Variants in BARD1 observed in about 807,000 individuals in gnomAD.
BARD1 encodes BRCA1-associated RING domain protein 1.
BARD1 carries 73 observed loss-of-function variants against 77.0 expected under a neutral mutation model. The observed-to-expected ratio is 0.95, with a 90% confidence interval of 0.79 to 1.15. The LOEUF (loss-of-function observed/expected upper bound fraction) is 1.15. Among genes scored for constraint, BARD1 ranks in the 50% most tolerant of loss-of-function variants. BARD1 has a pLI of 0.00. For missense variants in BARD1, 993 were observed against 938.8 expected (o/e 1.06, Z -0.75); for synonymous variants, 384 against 338.0 (o/e 1.14, Z -1.49).
intron 1 of BARD1, among the ~76,000 whole-genome samples, chr2:214,799,847 T>C (rs1392829012): frequency 6.6e-6 from 1 of 152,174 alleles, no homozygotes; most frequent in African/African-American, 2.4e-5. Context: ...TTTAACTCCC[T>C]CCACTCTGCT....
At chr2:214,747,387 C>T (rs1391547239) in intron 7 of BARD1, among the ~76,000 whole-genome samples, 3 of 138,502 alleles carry the variant, frequency 2.2e-5, no homozygotes, top group Admixed American at 7.5e-5. Context: ...AATCGTGCTG[C>T]TATAAAGACA....
At chr2:214,736,867 T>G (rs1461580417) in intron 9 of BARD1, among the ~76,000 whole-genome samples, 1 of 152,168 alleles carries the variant, frequency 6.6e-6, no homozygotes, top group Non-Finnish European at 1.5e-5. Context: ...TTACAATGAT[T>G]GAGTTAAACA....
intron 1 of BARD1, among the ~76,000 whole-genome samples, chr2:214,804,867 T>C (rs1057272511): frequency 7.9e-5 from 12 of 152,148 alleles, no homozygotes; most frequent in African/African-American, 2.9e-4. Flanking sequence ...ATTTTAAAAA[T>C]CTATTCGCAT....
intron 6 of BARD1, among the ~76,000 whole-genome samples, chr2:214,762,196 A>G (rs1318241902): frequency 6.6e-6 from 1 of 152,218 alleles, no homozygotes; most frequent in Non-Finnish European, 1.5e-5. Context: ...AATTGTTTAA[A>G]ATATTGTATA....
intron 4 of BARD1, among the ~76,000 whole-genome samples, chr2:214,778,317 T>A (rs1471546296): frequency 1.3e-5 from 2 of 151,154 alleles, no homozygotes; most frequent in Non-Finnish European, 2.9e-5. Flanking sequence ...ATTCAACTCA[T>A]AAAAAAATTT....
At chr2:214,769,428 A>C in intron 4 of BARD1, 116 bp from the exon 5 acceptor site, 1 of 832,038 alleles carries the variant, frequency 1.2e-6, no homozygotes, top group African/African-American at 1.7e-5. Context: ...GTTTTCTCTT[A>C]AGGCTACTGT....
At chr2:214,784,455 G>A (rs772235083) in intron 3 of BARD1, among the ~76,000 whole-genome samples, 2 of 152,106 alleles carry the variant, frequency 1.3e-5, no homozygotes, top group Non-Finnish European at 2.9e-5. Context: ...CAACCATTGT[G>A]GAAGACAGTG....
intron 4 of BARD1, among the ~76,000 whole-genome samples, chr2:214,773,551 C>T (rs567438706): frequency 7.0e-4 from 106 of 152,156 alleles, no homozygotes; most frequent in South Asian, 2.1e-3. Context: ...ACAAGTCACA[C>T]GAATCTTCTG....
chr2:214,733,081 A>T (rs1340148588), intron 9 of BARD1, among the ~76,000 whole-genome samples: 3 of 152,226 alleles, frequency 2.0e-5, no homozygotes, highest in Non-Finnish European at 4.4e-5. Flanking sequence ...TGTTTTAAAG[A>T]TCTGCACAGT....
chr2:214,797,147 T>A (rs755118558), intron 1 of BARD1, 30 bp from the exon 2 acceptor site: 2 of 1,571,986 alleles, frequency 1.3e-6, no homozygotes, highest in Non-Finnish European at 1.8e-6. Flanking sequence ...CAATCAAGAT[T>A]TGAGTCATTG....
Position 214,809,660 on chromosome 2 carries a change from A to G in BARD1, c.-91T>C. 6.8e-7 allele frequency: 1 copy of G among 1,478,832 alleles called. No individual in the cohort carries two copies. Among genetic ancestry groups the G allele is most frequent in the Non-Finnish European group, 9.1e-7 (1 of 1,100,014 alleles). The allele number at this position is 1,478,832 out of a possible 1,614,324, so 91.6% of individuals were successfully genotyped here. On this transcript the variant is annotated 5_prime_UTR_variant, in exon 1 of 11. Coordinates refer to ENST00000260947, the MANE Select transcript of BARD1 (RefSeq NM_000465.4). ...GGAAGCTGCAGGCCAGCGACTCGAA[A>G]CCGGCCAAGCTCTTCCCGCGTCTGG...
At chr2:214,757,812 C>T (rs976724810) in intron 6 of BARD1, among the ~76,000 whole-genome samples, 2 of 151,984 alleles carry the variant, frequency 1.3e-5, no homozygotes, top group African/African-American at 4.8e-5. Context: ...GGTAAAGCTC[C>T]CCAGACCTGA....
At chr2:214,734,648 A>G (rs897855299) in intron 9 of BARD1, among the ~76,000 whole-genome samples, 30 of 152,222 alleles carry the variant, frequency 2.0e-4, no homozygotes, top group African/African-American at 7.2e-4. Context: ...TAAAATACTC[A>G]TAAATCATAA....
Position 214,745,863 on chromosome 2 carries a change from A to C in BARD1, c.1678-9T>G, listed in dbSNP as rs1211334325. ...CGCTGCCCAGTGTTCATCTGTTAATATAAAAGGAGATACCAGTGTTAAAAA... is the reference window on the plus strand; with the variant it reads ...CGCTGCCCAGTGTTCATCTGTTAATCTAAAAGGAGATACCAGTGTTAAAAA... On this transcript the variant is annotated splice_polypyrimidine_tract_variant and intron_variant, in intron 7 of 10. Coordinates refer to ENST00000260947, the MANE Select transcript of BARD1 (RefSeq NM_000465.4). 1 of 1,613,772 alleles carries C rather than the reference A, an allele frequency of 6.2e-7. No individual in the cohort carries two copies. Among genetic ancestry groups the C allele is most frequent in the Non-Finnish European group, 8.5e-7 (1 of 1,179,928 alleles).
chr2:214,768,948 T>C (rs1024773996), intron 5 of BARD1, among the ~76,000 whole-genome samples: 1 of 152,224 alleles, frequency 6.6e-6, no homozygotes, highest in Non-Finnish European at 1.5e-5. Flanking sequence ...TGGAGCCTGA[T>C]GTCAGCTGTA....
At chr2:214,769,147 A>G in intron 5 of BARD1, 85 bp downstream of exon 5, 2 of 1,104,276 alleles carry the variant, frequency 1.8e-6, no homozygotes, top group Non-Finnish European at 2.7e-6. Context: ...TATGTGGCAG[A>G]GGATGATATA....
chr2:214,750,294 C>T (rs1693346289), intron 7 of BARD1, among the ~76,000 whole-genome samples: 1 of 152,166 alleles, frequency 6.6e-6, no homozygotes, highest in Non-Finnish European at 1.5e-5. Context: ...CCCAGCTAGC[C>T]TGCAGACAGT....
intron 9 of BARD1, among the ~76,000 whole-genome samples, chr2:214,742,715 T>G (rs1413391323): frequency 6.6e-6 from 1 of 152,208 alleles, no homozygotes; most frequent in Non-Finnish European, 1.5e-5. Flanking sequence ...GAAGGCATAT[T>G]TTATGGAAAT....
intron 9 of BARD1, chr2:214,730,957 T>C (rs1335284093): frequency 2.2e-6 from 1 of 454,328 alleles, no homozygotes; most frequent in African/African-American, 2.0e-5. Flanking sequence ...TCTGTTAAAC[T>C]GTAAGTGATT....
Sources: allele counts gnomAD v4.1 joint callset (sites outside exome capture counted in the v4.1 genomes callset), GRCh38; gene constraint gnomAD v4.1.1; transcripts MANE v1.5; gene names NCBI Gene and HGNC (gene_info 2026-07-23, HGNC 2026-07-21).